The following GNA13 variants were observed in gnomAD, a reference collection of about 807,000 sequenced individuals.
The protein encoded by GNA13 is guanine nucleotide-binding protein subunit alpha-13.
Under a neutral mutation model 33.5 loss-of-function variants are expected in GNA13, and 4 were observed. The ratio of observed to expected loss-of-function variants is 0.12; its 90% CI spans 0.06 to 0.27. The LOEUF (loss-of-function observed/expected upper bound fraction) is 0.27. Among genes scored for constraint, GNA13 ranks in the 10% least tolerant of loss-of-function variants. GNA13 has a pLI of 1.00. For missense variants in GNA13, 319 were observed against 487.2 expected (o/e 0.65, Z 3.25); for synonymous variants, 176 against 183.8 (o/e 0.96, Z 0.34).
chr17:65,032,689 T>C (rs1368865715), intron 2 of GNA13, among the ~76,000 whole-genome samples: 1 of 152,240 alleles, frequency 6.6e-6, no homozygotes, highest in Non-Finnish European at 1.5e-5. Flanking sequence ...CTTCTTTTAT[T>C]TAATGCCTTT....
At chr17:65,045,507 CAA>C (rs369520601) in intron 2 of GNA13, among the ~76,000 whole-genome samples, 1 of 86,980 alleles carries the variant, frequency 1.1e-5, no homozygotes, top group Non-Finnish European at 2.1e-5. Context: ...GACTCTGTCT[CAA>C]AAAAAAAAAA....
chr17:65,026,022 CA>C (rs1385973766), intron 2 of GNA13, among the ~76,000 whole-genome samples: 2 of 150,946 alleles, frequency 1.3e-5, no homozygotes, highest in Non-Finnish European at 3.0e-5. Context: ...TAAGACACAA[CA>C]AAAAAAATTA....
intron 2 of GNA13, among the ~76,000 whole-genome samples, chr17:65,035,301 T>C (rs1907200205): frequency 6.6e-6 from 1 of 152,174 alleles, no homozygotes; most frequent in Non-Finnish European, 1.5e-5. Context: ...CACATCTATT[T>C]CTAAAAAATG....
rs80353801 is a variant in GNA13, at chr17:65,013,770, T to C, written c.*487A>G. On this transcript the variant is annotated 3_prime_UTR_variant, in exon 4 of 4. Coordinates refer to ENST00000439174, the MANE Select transcript of GNA13 (RefSeq NM_006572.6). ...AACCTACAGAATGCCATTTCTTAGA[T>C]AGAACTTCTAACAGCCCTTACAAAA... The C allele has an allele frequency of 0.014, 2,909 of 212,432 alleles. 89 individuals carry two copies. The highest frequency in any genetic ancestry group is 0.061 in the African/African-American group (2,683 of 44,258). The allele number at this position is 212,432 out of a possible 1,614,324, so 13.2% of individuals were successfully genotyped here. A position where few individuals can be genotyped will look rare whatever the true frequency, so the allele number is the denominator to read the frequency against.
At chr17:65,048,666 T>C (rs989250414) in intron 2 of GNA13, among the ~76,000 whole-genome samples, 1 of 152,192 alleles carries the variant, frequency 6.6e-6, no homozygotes, top group African/African-American at 2.4e-5. Context: ...ACATTCATGT[T>C]TACACCCAAA....
intron 2 of GNA13, among the ~76,000 whole-genome samples, chr17:65,027,006 G>A (rs1324033292): frequency 1.3e-5 from 2 of 152,040 alleles, no homozygotes; most frequent in South Asian, 2.1e-4. Context: ...TCGAACTCCC[G>A]GCCTCAGGTG....
chr17:65,039,254 C>T (rs1907372402), intron 2 of GNA13, among the ~76,000 whole-genome samples: 2 of 152,220 alleles, frequency 1.3e-5, no homozygotes, highest in Non-Finnish European at 2.9e-5. Flanking sequence ...CAGCCACCAA[C>T]TGACGACAAG....
Position 65,019,264 on chromosome 17 carries a change from T to A in GNA13, c.511-961A>T, listed in dbSNP as rs1439685327. 2.0e-5 allele frequency among the ~76,000 whole-genome samples: 3 copies of A among 152,164 alleles called. No individual in the cohort carries two copies. In the East Asian group the frequency reaches 5.8e-4, roughly 29 times the overall value. ...AAGCTTGAAAGTAGCAGTTCTATAATTTTTTGGTCTCAAGATCACACAATA... is the reference window on the plus strand; with the variant it reads ...AAGCTTGAAAGTAGCAGTTCTATAAATTTTTGGTCTCAAGATCACACAATA... On this transcript the variant is annotated intron_variant, in intron 2 of 3. Coordinates refer to ENST00000439174, the MANE Select transcript of GNA13 (RefSeq NM_006572.6).
chr17:65,044,339 T>C (rs993599540), intron 2 of GNA13, among the ~76,000 whole-genome samples: 6 of 152,188 alleles, frequency 3.9e-5, no homozygotes, highest in Admixed American at 6.5e-5. Context: ...ACAAGTTCTT[T>C]TGAATAAAAG....
At position 65,009,555 on chromosome 17, in the gene GNA13, T is replaced by C. The variant is rs1271971473; in HGVS notation, c.*4702A>G. 4.6e-5 allele frequency among the ~76,000 whole-genome samples: 7 copies of C among 151,800 alleles called. No individual in the cohort carries two copies. The highest frequency in any genetic ancestry group is 1.3e-4 in the Admixed American group (2 of 15,250). ...GTTCCTGGAAAGTTATAAAAAGATA[T>C]ATGTAAAAAAAAAATCCTAAGCCAC... On this transcript the variant is annotated 3_prime_UTR_variant, in exon 4 of 4. Coordinates refer to ENST00000439174, the MANE Select transcript of GNA13 (RefSeq NM_006572.6).
At chr17:65,043,229 T>C (rs372970534) in intron 2 of GNA13, among the ~76,000 whole-genome samples, 3 of 152,104 alleles carry the variant, frequency 2.0e-5, no homozygotes, top group African/African-American at 7.2e-5. Flanking sequence ...GGCCATCACA[T>C]GAAACCAAAT....
intron 1 of GNA13, chr17:65,055,663 C>G: frequency 4.1e-6 from 4 of 985,314 alleles, no homozygotes; most frequent in Non-Finnish European, 4.8e-6. Flanking sequence ...TCCACTCTCT[C>G]CTGATTCCAG....
At chr17:65,018,115 A>T in intron 3 of GNA13, 138 bp downstream of exon 3, 1 of 178,402 alleles carries the variant, frequency 5.6e-6, no homozygotes, top group African/African-American at 3.0e-5. Flanking sequence ...AAAAAAAAAA[A>T]AAAAAAAAAA....
chr17:65,023,492 G>A (rs1026623008), intron 2 of GNA13, among the ~76,000 whole-genome samples: 1 of 152,184 alleles, frequency 6.6e-6, no homozygotes, highest in Non-Finnish European at 1.5e-5. Flanking sequence ...ATTGTTGAAC[G>A]CTGAATGGTT....
chr17:65,033,228 T>C (rs1907114744), intron 2 of GNA13, among the ~76,000 whole-genome samples: 1 of 152,028 alleles, frequency 6.6e-6, no homozygotes, highest in Admixed American at 6.6e-5. Context: ...CTGACACCTG[T>C]AATCCCAATG....
At chr17:65,017,454 TA>T (rs1243492622) in intron 3 of GNA13, among the ~76,000 whole-genome samples, 1 of 152,184 alleles carries the variant, frequency 6.6e-6, no homozygotes, top group Non-Finnish European at 1.5e-5. Context: ...GTGCTACATT[TA>T]GAGAGTAACA....
At chr17:65,033,153 A>G (rs1907112338) in intron 2 of GNA13, among the ~76,000 whole-genome samples, 1 of 151,810 alleles carries the variant, frequency 6.6e-6, no homozygotes, top group Non-Finnish European at 1.5e-5. Context: ...TGTATAGGAT[A>G]TGTTTTCAAT....
At chr17:65,045,920 C>A (rs1907643439) in intron 2 of GNA13, among the ~76,000 whole-genome samples, 1 of 152,194 alleles carries the variant, frequency 6.6e-6, no homozygotes, top group Non-Finnish European at 1.5e-5. Context: ...GAATGCTCCA[C>A]AGATGCCATG....
intron 2 of GNA13, among the ~76,000 whole-genome samples, chr17:65,037,825 T>TCTAC (rs1907312543): frequency 7.0e-6 from 1 of 142,218 alleles, no homozygotes; most frequent in Non-Finnish European, 1.5e-5. Flanking sequence ...ACCGTGAGCC[T>TCTAC]TCATCTCTTC....
Sources: gnomAD v4.1 joint callset for allele counts (sites outside exome capture counted in the v4.1 genomes callset) on GRCh38, gnomAD v4.1.1 for gene constraint, MANE v1.5 for transcripts, NCBI Gene and HGNC (gene_info 2026-07-23, HGNC 2026-07-21) for gene names.